The following ASIP variants were observed in gnomAD, a reference collection of about 807,000 sequenced individuals.
ASIP encodes the protein agouti signaling protein.
A neutral mutation model predicts 10.3 loss-of-function variants in ASIP; 11 were observed. The ratio of observed to expected loss-of-function variants is 1.07; its 90% confidence interval spans 0.68 to 1.78. ASIP has a LOEUF of 1.78. ASIP is among the 40% of genes most tolerant of loss of function. The pLI is 0.00. For synonymous variants in ASIP, 70 were observed against 70.8 expected (o/e 0.99, Z 0.06); for missense variants, 180 against 169.2 (o/e 1.06, Z -0.35).
At chr20:34,238,615 T>C (rs547642364), upstream of ASIP, among the ~76,000 whole-genome samples, 1 of 152,246 alleles carries the variant, frequency 6.6e-6, no homozygotes, top group South Asian at 2.1e-4. Context: ...TCTAAGACAA[T>C]TGTTTTAATA....
At chr20:34,202,801 CTTTTTTTTT>C (rs34156089) in intron 1 of ASIP, among the ~76,000 whole-genome samples, 1 of 57,286 alleles carries the variant, frequency 1.7e-5, no homozygotes, top group Non-Finnish European at 3.4e-5. Flanking sequence ...CTTGGCTATT[CTTTTTTTTT>C]TTTTTTTTTT....
chr20:34,210,435 C>T (rs974597118), intron 1 of ASIP, among the ~76,000 whole-genome samples: 1 of 152,228 alleles, frequency 6.6e-6, no homozygotes, highest in African/African-American at 2.4e-5. Flanking sequence ...AGTCAGCACC[C>T]ACGTCAGCAC....
At chr20:34,222,018 G>A (rs567344516) in intron 1 of ASIP, among the ~76,000 whole-genome samples, 5 of 152,278 alleles carry the variant, frequency 3.3e-5, no homozygotes, top group African/African-American at 1.2e-4. Flanking sequence ...GCTGAAGTGG[G>A]AGGATTGCTT....
intron 1 of ASIP, among the ~76,000 whole-genome samples, chr20:34,207,090 T>C: frequency 6.6e-6 from 1 of 152,370 alleles, no homozygotes; most frequent in Middle Eastern, 3.4e-3. Flanking sequence ...TTGTTTTCCA[T>C]AGTGACTGTA....
In ASIP at chr20:34,217,140, G is replaced by GC. The variant is rs202094199; in HGVS notation, c.-11+22381dup. Among the ~76,000 whole-genome samples the GC allele has an allele frequency of 6.9e-3, 1,053 of 152,194 alleles. 12 individuals carry two copies. Among genetic ancestry groups the GC allele is most frequent in the African/African-American group, 0.025 (1,019 of 41,494 alleles). On this transcript the variant is annotated intron_variant, in intron 1 of 3. Transcript: ENST00000568305. ...TAGAGTGGAGCCCTTCATGGTCCCAGCTGAAAGCCTGGAGAGGCTGCGCGC... is the reference window on the plus strand; with the variant it reads ...TAGAGTGGAGCCCTTCATGGTCCCAGCCTGAAAGCCTGGAGAGGCTGCGCGC...
rs901400470 is a variant in ASIP, at chr20:34,227,931, TAG to T, written c.-10-32429_-10-32428del. 6.6e-5 allele frequency among the ~76,000 whole-genome samples: 10 copies of T among 152,212 alleles called. No individual in the cohort carries two copies. In the South Asian group the frequency reaches 1.7e-3, roughly 25 times the overall value. ...AGATAGACAAGTCAGTAGTTCAGAATAGAGAGTCTAGGAATAGACTCACACAT... is the reference window on the plus strand; with the variant it reads ...AGATAGACAAGTCAGTAGTTCAGAATAGAGTCTAGGAATAGACTCACACAT... On this transcript the variant is annotated intron_variant, in intron 1 of 3. Transcript: ENST00000568305.
chr20:34,214,535 C>T, intron 1 of ASIP: 3 of 1,505,842 alleles, frequency 2.0e-6, no homozygotes, highest in Non-Finnish European at 2.8e-6. Context: ...ACTTCAACTT[C>T]CATGAACCGT....
At chr20:34,233,412 G>T (rs2035138312) in intron 1 of ASIP, among the ~76,000 whole-genome samples, 1 of 152,060 alleles carries the variant, frequency 6.6e-6, no homozygotes, top group African/African-American at 2.4e-5. Flanking sequence ...CTCCCACAGT[G>T]CTGGGATTAC....
chr20:34,262,916 A>G, intron 3 of ASIP, 23 bp downstream of exon 3: 1 of 1,613,362 alleles, frequency 6.2e-7, no homozygotes, highest in Non-Finnish European at 8.5e-7. Flanking sequence ...AAGTTCTGGG[A>G]GTTCTCATTG....
intron 3 of ASIP, among the ~76,000 whole-genome samples, chr20:34,265,683 C>A (rs1266290415): frequency 6.6e-6 from 1 of 152,154 alleles, no homozygotes; most frequent in Non-Finnish European, 1.5e-5. Flanking sequence ...GGCACAGTGG[C>A]TCACACCTGT....
At chr20:34,189,060 C>T in the ASIP span, among the ~76,000 whole-genome samples, 9 of 152,222 alleles carry the variant, frequency 5.9e-5, no homozygotes, top group East Asian at 3.9e-4. Flanking sequence ...ATGACACTAT[C>T]GAGTGCTGTC....
chr20:34,196,983 C>A (rs2034861786), intron 1 of ASIP, among the ~76,000 whole-genome samples: 1 of 149,206 alleles, frequency 6.7e-6, no homozygotes, highest in African/African-American at 2.5e-5. Flanking sequence ...TGAACTTAAA[C>A]ATTCTTTTTT....
chr20:34,235,850 AAGGAAGGAAGGAAGGAAAG>A (rs2035184568), intron 1 of ASIP, among the ~76,000 whole-genome samples: 2 of 46,668 alleles, frequency 4.3e-5, no homozygotes, highest in African/African-American at 5.7e-4. Flanking sequence ...AGAAGGAAGG[AAGGAAGGAAGGAAGGAAAG>A]GAAGGAAGGA....
intron 1 of ASIP, among the ~76,000 whole-genome samples, chr20:34,258,674 C>CATATATATATATATATATATATATATAT (rs772655085): frequency 0.039 from 475 of 12,052 alleles, 89 homozygotes; most frequent in East Asian, 0.096. Flanking sequence ...AGGGGGATGC[C>CATATATATATATATATATATATATATAT]ATATATATAT....
chr20:34,260,594 C>T (rs1436800739), intron 2 of ASIP, 60 bp downstream of exon 2: 37 of 1,514,090 alleles, frequency 2.4e-5, no homozygotes, highest in Non-Finnish European at 2.9e-5. Context: ...ATCAAGCATG[C>T]TTCCCAGGGT....
intron 3 of ASIP, among the ~76,000 whole-genome samples, chr20:34,265,805 C>A (rs1428606262): frequency 1.3e-5 from 2 of 151,994 alleles, no homozygotes. Flanking sequence ...CAAAAATTAG[C>A]TGGGTATGGT....
At chr20:34,262,361 T>G (rs1014398720) in intron 2 of ASIP, among the ~76,000 whole-genome samples, 1 of 152,084 alleles carries the variant, frequency 6.6e-6, no homozygotes, top group Non-Finnish European at 1.5e-5. Flanking sequence ...ATTGGCAGAG[T>G]CAGGATTCAA....
intron 1 of ASIP, among the ~76,000 whole-genome samples, chr20:34,223,438 C>A (rs1312569725): frequency 6.6e-6 from 1 of 151,400 alleles, no homozygotes; most frequent in African/African-American, 2.4e-5. Context: ...CCGGCAGCCA[C>A]CCCATCTGGG....
At chr20:34,233,204 A>G (rs2122582395) in intron 1 of ASIP, among the ~76,000 whole-genome samples, 1 of 145,256 alleles carries the variant, frequency 6.9e-6, no homozygotes, top group Non-Finnish European at 1.5e-5. Context: ...CTGGAGTACA[A>G]TGGTGTGATC....
Sources: allele counts gnomAD v4.1 joint callset (sites outside exome capture counted in the v4.1 genomes callset), GRCh38; gene constraint gnomAD v4.1.1; transcripts MANE v1.5; gene names NCBI Gene and HGNC (gene_info 2026-07-23, HGNC 2026-07-21).